TBCD: variants seen among roughly 807,000 people sequenced by gnomAD.
The protein encoded by TBCD is tubulin folding cofactor D, also known as tubulin-specific chaperone D.
Under a neutral mutation model 169.3 loss-of-function variants are expected in TBCD, and 105 were observed. The ratio of observed to expected loss-of-function variants is 0.62; its 90% CI spans 0.53 to 0.73. The LOEUF is 0.73. TBCD is among the 30% of genes least tolerant of loss of function. The probability of loss-of-function intolerance (pLI) is 0.00; values close to 1 mark genes in which losing one functional copy is unlikely to be tolerated. For missense variants in TBCD, 1,444 were observed against 1,600.1 expected (o/e 0.90, Z 1.66); for synonymous variants, 700 against 643.9 (o/e 1.09, Z -1.32).
intron 14 of TBCD, among the ~76,000 whole-genome samples, chr17:82,883,899 C>T (rs991936288): frequency 2.6e-5 from 4 of 152,198 alleles, no homozygotes; most frequent in African/African-American, 9.7e-5. Flanking sequence ...CCTCGGTGTG[C>T]ACCGTCTCGT....
intron 13 of TBCD, among the ~76,000 whole-genome samples, chr17:82,842,306 G>A (rs904688538): frequency 1.3e-5 from 2 of 152,222 alleles, no homozygotes; most frequent in South Asian, 4.1e-4. Context: ...GGCAGGGAGG[G>A]AGCTTATCCC....
At chr17:82,772,225 G>A (rs945901968) in intron 5 of TBCD, among the ~76,000 whole-genome samples, 5 of 152,206 alleles carry the variant, frequency 3.3e-5, no homozygotes, top group African/African-American at 7.2e-5. Context: ...CAAATGCTCT[G>A]TGTAGCTCAG....
chr17:82,795,946 C>A (rs1348081816), intron 7 of TBCD: 1 of 152,352 alleles, frequency 6.6e-6, no homozygotes, highest in African/African-American at 2.4e-5. Context: ...ACTGGCATCA[C>A]TCCTGCCTGC....
intron 13 of TBCD, among the ~76,000 whole-genome samples, chr17:82,816,600 C>A (rs2144970730): frequency 6.6e-6 from 1 of 151,890 alleles, no homozygotes; most frequent in East Asian, 1.9e-4. Context: ...GTGATGCAAT[C>A]TCTGCTCACT....
chr17:82,815,617 G>A (rs2051831609), intron 13 of TBCD, among the ~76,000 whole-genome samples: 1 of 152,258 alleles, frequency 6.6e-6, no homozygotes, highest in South Asian at 2.1e-4. Context: ...GTCCCTGGGT[G>A]TGGCTGGCAG....
chr17:82,807,427 G>A (rs1039458196), intron 10 of TBCD, among the ~76,000 whole-genome samples, 181 bp from the exon 11 acceptor site: 1 of 152,224 alleles, frequency 6.6e-6, no homozygotes, highest in Non-Finnish European at 1.5e-5. Flanking sequence ...GAACATGGCT[G>A]TATGTGATGA....
At position 82,806,059 on chromosome 17, in the gene TBCD, C is replaced by T; in HGVS notation, c.1087+48C>T. 6.3e-7 allele frequency: 1 copy of T among 1,595,724 alleles called. No homozygotes were observed. Among genetic ancestry groups the T allele is most frequent in the South Asian group, 1.1e-5 (1 of 89,856 alleles). ...CCTCTGCTCTTGGGCACCGTCGGGCCAATTCCCCTCTACTCCAGGACCACA... is the reference window on the plus strand; with the variant it reads ...CCTCTGCTCTTGGGCACCGTCGGGCTAATTCCCCTCTACTCCAGGACCACA... On this transcript the variant is annotated intron_variant, in intron 10 of 38. Coordinates refer to ENST00000355528, the MANE Select transcript of TBCD (RefSeq NM_005993.5). This position sits in a 1 kb window ranked among gnomAD's most constrained non-coding sequence, Gnocchi z 5.1.
intron 22 of TBCD, 67 bp downstream of exon 22, chr17:82,909,374 G>T: frequency 7.2e-7 from 1 of 1,381,660 alleles, no homozygotes; most frequent in Non-Finnish European, 1.0e-6. Context: ...TCAGGAGCAG[G>T]CGGGGCGGGT....
intron 9 of TBCD, among the ~76,000 whole-genome samples, chr17:82,803,508 C>A (rs914714017): frequency 6.6e-6 from 1 of 152,216 alleles, no homozygotes; most frequent in South Asian, 2.1e-4. Flanking sequence ...CTCAGCAGCT[C>A]TCTTCTCCCC....
rs936835471 is a variant in TBCD at position 82,930,837 on chromosome 17, G to C, written c.3113+194G>C. 5.9e-5 allele frequency among the ~76,000 whole-genome samples: 9 copies of C among 152,234 alleles called. No homozygotes were observed. Among genetic ancestry groups the C allele is most frequent in the Non-Finnish European group, 1.2e-4 (8 of 68,040 alleles). On this transcript the variant is annotated intron_variant, in intron 33 of 38. Transcript: ENST00000355528. The surrounding 1 kb of genome is among the most constrained non-coding windows in gnomAD (Gnocchi z 5.2). ...TGGTTCTCCGGGCGGCCAGGCCTCAGCCCCTGCGCCTCCTCTTCTAGCCTC... is the reference window on the plus strand; with the variant it reads ...TGGTTCTCCGGGCGGCCAGGCCTCACCCCCTGCGCCTCCTCTTCTAGCCTC...
At chr17:82,899,533 A>G (rs4986133) in intron 17 of TBCD, among the ~76,000 whole-genome samples, 52,540 of 152,088 alleles carry the variant, frequency 0.35, 10,040 homozygotes, top group African/African-American at 0.52. Flanking sequence ...TGGCTATACA[A>G]TTTTTCTGTG....
intron 13 of TBCD, chr17:82,829,911 G>A (rs2053323360): frequency 4.7e-6 from 3 of 634,308 alleles, no homozygotes; most frequent in African/African-American, 3.7e-5. Context: ...CAGTCTTAGA[G>A]TCATTCAGGT....
rs746268185 is a variant in TBCD, at chr17:82,830,274, A to C, written c.1318+15340A>C. The C allele has an allele frequency of 5.0e-6, 8 of 1,614,202 alleles. No homozygotes were observed. The Admixed American group carries it at 1.3e-4, about 27-fold the overall frequency. Reference sequence around the variant, plus strand: ...TCTTTTGTCCTTTGGGTCTGAGGTCACACTGGGCCTCTTGGCTCTCCATGG... The same window carrying C: ...TCTTTTGTCCTTTGGGTCTGAGGTCCCACTGGGCCTCTTGGCTCTCCATGG... On this transcript the variant is annotated intron_variant, in intron 13 of 38. Transcript: ENST00000355528.
intron 18 of TBCD, among the ~76,000 whole-genome samples, chr17:82,901,673 G>A (rs2059908618): frequency 6.6e-6 from 1 of 152,046 alleles, no homozygotes; most frequent in Admixed American, 6.5e-5. Flanking sequence ...TGCTGCCTGG[G>A]GAGCGGCCCG....
At chr17:82,846,265 GT>G (rs2055060608) in intron 13 of TBCD, among the ~76,000 whole-genome samples, 1 of 141,426 alleles carries the variant, frequency 7.1e-6, no homozygotes, top group Non-Finnish European at 1.6e-5. Context: ...TGCGTCCTCT[GT>G]GCTGTGTCCT....
At chr17:82,840,521 C>G (rs928044720) in intron 13 of TBCD, 1 of 152,264 alleles carries the variant, frequency 6.6e-6, no homozygotes, top group African/African-American at 2.4e-5. Flanking sequence ...TACCCTGCTC[C>G]TGAGAGTCTC....
At chr17:82,785,911 G>T (rs545349417) in intron 7 of TBCD, among the ~76,000 whole-genome samples, 81 of 152,114 alleles carry the variant, frequency 5.3e-4, no homozygotes, top group Admixed American at 1.7e-3. Flanking sequence ...AGTGGGAGGG[G>T]GTCCATGCTG....
chr17:82,920,968 C>G lies in TBCD; in HGVS notation c.2101+350C>G, dbSNP rs2061389395. 3.2e-6 allele frequency: 1 copy of G among 315,304 alleles called. No individual in the cohort carries two copies. Among genetic ancestry groups the G allele is most frequent in the Non-Finnish European group, 5.9e-6 (1 of 170,780 alleles). The allele number at this position is 315,304 out of a possible 1,614,324, so 19.5% of individuals were successfully genotyped here. A position where few individuals can be genotyped will look rare whatever the true frequency, so the allele number is the denominator to read the frequency against. On this transcript the variant is annotated intron_variant, in intron 24 of 38. Coordinates refer to ENST00000355528, the MANE Select transcript of TBCD (RefSeq NM_005993.5). This position sits in a 1 kb window ranked among gnomAD's most constrained non-coding sequence, Gnocchi z 4.1. ...GGACCAGGAGCGTGCCGGCCGCCGA[C>G]ACCACGGACCCTGTGGGCAGAGGCG...
chr17:82,804,702 A>G (rs953945603), intron 9 of TBCD, among the ~76,000 whole-genome samples: 2 of 152,168 alleles, frequency 1.3e-5, no homozygotes, highest in Non-Finnish European at 2.9e-5. Flanking sequence ...GCGGGTGGAA[A>G]CCACGGCTGT....
Sources: gnomAD v4.1 joint callset for allele counts (sites outside exome capture counted in the v4.1 genomes callset) on GRCh38, gnomAD v4.1.1 for gene constraint, Gnocchi (gnomAD v3.1) non-coding constraint, MANE v1.5 for transcripts, NCBI Gene and HGNC (gene_info 2026-07-23, HGNC 2026-07-21) for gene names.